MACROD2: variants seen among roughly 807,000 people sequenced by gnomAD.
The protein encoded by MACROD2 is ADP-ribose glycohydrolase MACROD2.
A neutral mutation model predicts 70.4 loss-of-function variants in MACROD2; 36 were observed. The observed-to-expected ratio is 0.51, with a 90% CI of 0.39 to 0.68. The LOEUF (loss-of-function observed/expected upper bound fraction) is 0.68, where lower values mean the gene tolerates loss of function less well. Ranked by LOEUF, MACROD2 falls within the 30% of genes least tolerant of loss-of-function variation. The pLI is 0.00. For synonymous variants in MACROD2, 172 were observed against 178.8 expected (o/e 0.96, Z 0.30); for missense variants, 496 against 538.4 (o/e 0.92, Z 0.78).
At chr20:14,101,655 A>C (rs2054303592) in intron 3 of MACROD2, among the ~76,000 whole-genome samples, 1 of 152,092 alleles carries the variant, frequency 6.6e-6, no homozygotes, top group Admixed American at 6.5e-5. Context: ...AAACCTAAAC[A>C]GAAAAACCCA....
chr20:15,140,286 C>A (rs1601129189), intron 5 of MACROD2, among the ~76,000 whole-genome samples: 1 of 152,044 alleles, frequency 6.6e-6, no homozygotes, highest in African/African-American at 2.4e-5. Flanking sequence ...GATGGAAGAA[C>A]CTTGCTGCTT....
chr20:15,933,300 A>G lies in MACROD2; in HGVS notation c.800A>G (p.Gln267Arg). The change falls in exon 11 of 18, where the codon CAA becomes CGA. Residue 267 changes from glutamine (Q) to arginine (R), a missense_variant. Gln to Arg is a conservative substitution (Grantham distance 43). Coordinates refer to ENST00000684519, the MANE Select transcript of MACROD2 (RefSeq NM_001351661.2). The stretch of plus-strand genomic sequence containing the variant: ...GATGAGAACGGTCCAGAGGAGAAGC[A>G]AAGTGTGGAAGAAATGGAAGAGCAG... ...DSDENGPEEK[Q>R]SVEEMEEQSQ... The G allele has an allele frequency of 6.2e-7, 1 of 1,613,430 alleles. No individual in the cohort carries two copies. Among genetic ancestry groups the G allele is most frequent in the South Asian group, 1.1e-5 (1 of 91,064 alleles).
intron 5 of MACROD2, among the ~76,000 whole-genome samples, chr20:15,105,271 A>G (rs1479269187): frequency 6.6e-6 from 1 of 152,076 alleles, no homozygotes; most frequent in Non-Finnish European, 1.5e-5. Flanking sequence ...TGGTGACAAG[A>G]CAGCTGAAGC....
chr20:15,388,504 C>T (rs1234638571), intron 6 of MACROD2, among the ~76,000 whole-genome samples: 1 of 152,074 alleles, frequency 6.6e-6, no homozygotes, highest in Non-Finnish European at 1.5e-5. Context: ...AGATAAACAT[C>T]ACATTATTTT....
At chr20:15,304,245 A>G (rs2146133203) in intron 6 of MACROD2, among the ~76,000 whole-genome samples, 1 of 152,292 alleles carries the variant, frequency 6.6e-6, no homozygotes, top group South Asian at 2.1e-4. Context: ...GAGTTGTCTT[A>G]GATTCTCAGA....
At chr20:14,756,989 A>T (rs2071949941) in intron 5 of MACROD2, among the ~76,000 whole-genome samples, 1 of 152,058 alleles carries the variant, frequency 6.6e-6, no homozygotes, top group East Asian at 1.9e-4. Flanking sequence ...CATGACTGTA[A>T]GTTTCCTGAG....
At chr20:15,520,000 G>A (rs2047630616) in intron 8 of MACROD2, among the ~76,000 whole-genome samples, 1 of 152,222 alleles carries the variant, frequency 6.6e-6, no homozygotes, top group Non-Finnish European at 1.5e-5. Context: ...AGTCTCTTCT[G>A]TTGGAGTTAG....
intron 4 of MACROD2, among the ~76,000 whole-genome samples, chr20:14,511,491 A>G (rs980974868): frequency 2.0e-5 from 3 of 152,098 alleles, no homozygotes; most frequent in Non-Finnish European, 4.4e-5. Flanking sequence ...AGTTCAGCTA[A>G]TATCTGTGAT....
intron 15 of MACROD2, among the ~76,000 whole-genome samples, chr20:16,037,623 G>C (rs1214777601): frequency 6.6e-6 from 1 of 151,812 alleles, no homozygotes; most frequent in Non-Finnish European, 1.5e-5. Context: ...CATTTTACTA[G>C]TGAAAAAGCC....
chr20:14,537,467 TG>T (rs1568659764), intron 4 of MACROD2, among the ~76,000 whole-genome samples: 1 of 152,222 alleles, frequency 6.6e-6, no homozygotes, highest in Non-Finnish European at 1.5e-5. Flanking sequence ...TGTTTTCTCT[TG>T]GGGGTGTTTA....
intron 3 of MACROD2, among the ~76,000 whole-genome samples, chr20:14,273,446 C>G (rs367580265): frequency 1.4e-5 from 2 of 147,608 alleles, no homozygotes; most frequent in Non-Finnish European, 3.0e-5. Context: ...TTGAAACCAA[C>G]GAGAACAAAG....
intron 5 of MACROD2, among the ~76,000 whole-genome samples, chr20:15,053,485 A>C (rs2075459102): frequency 6.6e-6 from 1 of 152,192 alleles, no homozygotes; most frequent in Non-Finnish European, 1.5e-5. Context: ...TAAAAGGAAC[A>C]AGAAAGCCTG....
intron 9 of MACROD2, among the ~76,000 whole-genome samples, chr20:15,881,323 G>C (rs1335772444): frequency 6.6e-6 from 1 of 152,036 alleles, no homozygotes; most frequent in South Asian, 2.1e-4. Context: ...CTCCCAAAAA[G>C]CTTGGAGGCT....
intron 3 of MACROD2, among the ~76,000 whole-genome samples, chr20:14,367,824 A>G (rs1600167506): frequency 6.6e-6 from 1 of 152,042 alleles, no homozygotes; most frequent in Non-Finnish European, 1.5e-5. Context: ...AAATTTGGAA[A>G]GTGCTCAGCC....
Position 14,064,152 on chromosome 20 carries a change from C to T in MACROD2, c.164-21469C>T, listed in dbSNP as rs138074871. Among the ~76,000 whole-genome samples, 497 of 152,276 alleles carry T rather than the reference C, an allele frequency of 3.3e-3. 8 individuals are homozygous for T. Among genetic ancestry groups the T allele is most frequent in the Non-Finnish European group, 2.1e-3 (145 of 68,020 alleles). On this transcript the variant is annotated intron_variant, in intron 2 of 17. Transcript: ENST00000684519. The stretch of plus-strand genomic sequence containing the variant: ...GGCCAACTTTCTCCTCCGTGGGCTT[C>T]TGCTGGTTTCTCTTCTGTCCCTCTA...
At chr20:15,646,864 T>C (rs1265525430) in intron 8 of MACROD2, among the ~76,000 whole-genome samples, 1 of 152,188 alleles carries the variant, frequency 6.6e-6, no homozygotes, top group Non-Finnish European at 1.5e-5. Context: ...ACCTCTTTCC[T>C]TTGTAAATTA....
intron 5 of MACROD2, among the ~76,000 whole-genome samples, chr20:14,931,776 T>C (rs959766208): frequency 3.3e-5 from 5 of 151,378 alleles, no homozygotes; most frequent in African/African-American, 7.3e-5. Context: ...GGTGGGAAGA[T>C]CGCTTGAGGC....
chr20:15,276,211 TAACA>T (rs2077389905), intron 6 of MACROD2, among the ~76,000 whole-genome samples: 1 of 151,962 alleles, frequency 6.6e-6, no homozygotes, highest in African/African-American at 2.4e-5. Flanking sequence ...CCATCCTGGC[TAACA>T]CGGTGAAACC....
At chr20:14,168,487 C>T (rs775398561) in intron 3 of MACROD2, among the ~76,000 whole-genome samples, 3 of 152,162 alleles carry the variant, frequency 2.0e-5, no homozygotes, top group Non-Finnish European at 4.4e-5. Context: ...CATACCCCTA[C>T]ACAGAGGTTT....
Sources: gnomAD v4.1 joint callset for allele counts (sites outside exome capture counted in the v4.1 genomes callset) on GRCh38, gnomAD v4.1.1 for gene constraint, MANE v1.5 for transcripts, NCBI Gene and HGNC (gene_info 2026-07-23, HGNC 2026-07-21) for gene names.